Variants in FAT3 observed in about 807,000 individuals in gnomAD.
FAT3 encodes the protein protocadherin Fat 3.
In FAT3, 95 loss-of-function variants were observed where a neutral mutation model predicts 310.2. That is an observed-to-expected ratio of 0.31 (90% CI 0.26 to 0.36). FAT3 has a LOEUF of 0.36. Among genes scored for constraint, FAT3 ranks in the 10% least tolerant of loss-of-function variants. FAT3 has a pLI of 1.00. For missense variants in FAT3, 5,408 were observed against 5,715.6 expected (o/e 0.95, Z 1.74); for synonymous variants, 2,314 against 2,192.9 (o/e 1.06, Z -1.54).
chr11:92,813,017 T>C (rs1483731969), intron 13 of FAT3, among the ~76,000 whole-genome samples: 1 of 152,200 alleles, frequency 6.6e-6, no homozygotes, highest in Non-Finnish European at 1.5e-5. Context: ...CCCCTTTTGT[T>C]TGGCACTTCC....
chr11:92,533,391 A>G (rs1954144365), intron 3 of FAT3, among the ~76,000 whole-genome samples: 1 of 152,116 alleles, frequency 6.6e-6, no homozygotes, highest in Admixed American at 6.5e-5. Flanking sequence ...CTAAGTGCGA[A>G]CTAGTGCCAC....
chr11:92,243,597 T>C (rs1864758787), intron 1 of FAT3, among the ~76,000 whole-genome samples: 1 of 152,108 alleles, frequency 6.6e-6, no homozygotes. Flanking sequence ...AGCAATCTGC[T>C]TTCTTGTTAC....
chr11:92,238,425 G>T (rs1864527138), intron 1 of FAT3, among the ~76,000 whole-genome samples: 1 of 152,122 alleles, frequency 6.6e-6, no homozygotes, highest in Admixed American at 6.5e-5. Context: ...GGGAATCGGA[G>T]GGGGCAATCT....
At chr11:92,748,407 C>T (rs1332422828) in intron 4 of FAT3, among the ~76,000 whole-genome samples, 2 of 152,176 alleles carry the variant, frequency 1.3e-5, no homozygotes, top group Admixed American at 6.5e-5. Context: ...TAAAGCCAAA[C>T]CATATGACTC....
At chr11:92,423,511 G>A (rs1950571898) in intron 2 of FAT3, among the ~76,000 whole-genome samples, 3 of 152,130 alleles carry the variant, frequency 2.0e-5, no homozygotes, top group South Asian at 4.1e-4. Context: ...GTGTTTCTGA[G>A]GGAAAGGGCT....
At chr11:92,720,844 C>G (rs936457669) in intron 4 of FAT3, among the ~76,000 whole-genome samples, 5 of 152,054 alleles carry the variant, frequency 3.3e-5, no homozygotes, top group African/African-American at 1.2e-4. Flanking sequence ...AAATAAGGTC[C>G]CTTAATGTAA....
intron 1 of FAT3, among the ~76,000 whole-genome samples, chr11:92,298,310 A>G (rs552226285): frequency 9.9e-5 from 15 of 152,228 alleles, no homozygotes; most frequent in Admixed American, 5.9e-4. Context: ...CTCTGTGCAT[A>G]GAAAATGGAA....
At chr11:92,646,880 G>A (rs1441887312) in intron 3 of FAT3, among the ~76,000 whole-genome samples, 1 of 152,166 alleles carries the variant, frequency 6.6e-6, no homozygotes, top group East Asian at 1.9e-4. Context: ...GGAAGGACTT[G>A]TAGGAAACAG....
At chr11:92,439,422 A>G (rs1312186526) in intron 2 of FAT3, among the ~76,000 whole-genome samples, 1 of 152,110 alleles carries the variant, frequency 6.6e-6, no homozygotes, top group African/African-American at 2.4e-5. Context: ...AATAAGAAAC[A>G]TGTGGTTTTA....
intron 3 of FAT3, among the ~76,000 whole-genome samples, chr11:92,689,110 T>C (rs1007425822): frequency 1.3e-5 from 2 of 152,158 alleles, no homozygotes; most frequent in Non-Finnish European, 2.9e-5. Context: ...AAGCTTCATT[T>C]TATAGATGAG....
intron 3 of FAT3, among the ~76,000 whole-genome samples, chr11:92,657,351 C>A (rs914878828): frequency 1.3e-5 from 2 of 152,146 alleles, no homozygotes; most frequent in African/African-American, 4.8e-5. Flanking sequence ...TCATTTCATG[C>A]TTCCTGGGCA....
chr11:92,822,080 G>A (rs1021279276), intron 13 of FAT3, among the ~76,000 whole-genome samples: 2 of 151,956 alleles, frequency 1.3e-5, no homozygotes, highest in Non-Finnish European at 2.9e-5. Flanking sequence ...TTTGACACAC[G>A]TAAGTTCTTG....
In FAT3 at chr11:92,891,026, C is replaced by T. The variant is rs2136450005; in HGVS notation, c.13683C>T (p.Ala4561=). 2 of 1,613,904 alleles carry T rather than the reference C, an allele frequency of 1.2e-6. No homozygotes were observed. Among genetic ancestry groups the T allele is most frequent in the Non-Finnish European group, 1.7e-6 (2 of 1,179,852 alleles). ...GCGGCTTTGACGATTCCGAAGTAGC[C>T]ATGAGTGACTACGAGAGCGTGGGAG... ...ANCGFDDSEV[A]MSDYESVGEL... Residue 4561 remains alanine (A), a synonymous_variant, in exon 28 of 28, where the codon GCC becomes GCT. Coordinates refer to ENST00000525166, the MANE Select transcript of FAT3 (RefSeq NM_001367949.2).
intron 2 of FAT3, among the ~76,000 whole-genome samples, chr11:92,477,876 A>C (rs1952089892): frequency 3.3e-5 from 5 of 152,196 alleles, no homozygotes; most frequent in Admixed American, 3.3e-4. Context: ...AGTGTGCTGC[A>C]GGAGTTCTGT....
At chr11:92,804,797 C>G (rs1181397642) in intron 10 of FAT3, among the ~76,000 whole-genome samples, 1 of 152,224 alleles carries the variant, frequency 6.6e-6, no homozygotes, top group African/African-American at 2.4e-5. Flanking sequence ...GAGTGTATTA[C>G]ATCCTCTCTT....
chr11:92,886,313 TAAG>T (rs1370368437), intron 24 of FAT3, among the ~76,000 whole-genome samples: 4 of 147,248 alleles, frequency 2.7e-5, no homozygotes, highest in Non-Finnish European at 4.5e-5. Context: ...GTCCATCAAA[TAAG>T]AAAGTAGCCC....
chr11:92,375,937 T>G (rs751602904), intron 2 of FAT3, among the ~76,000 whole-genome samples: 9 of 152,204 alleles, frequency 5.9e-5, no homozygotes, highest in Non-Finnish European at 1.2e-4. Context: ...ACTCTTTAAA[T>G]TAGGTCATTA....
chr11:92,380,863 T>A (rs565565784), intron 2 of FAT3, among the ~76,000 whole-genome samples: 1 of 152,336 alleles, frequency 6.6e-6, no homozygotes, highest in Admixed American at 6.5e-5. Flanking sequence ...GTTTTTGTTC[T>A]ATTAAGGTCA....
Position 92,794,735 on chromosome 11 carries a change from A to G in FAT3, c.4822+1758A>G, listed in dbSNP as rs75492851. Among the ~76,000 whole-genome samples, 1,010 of 152,180 alleles carry G rather than the reference A, an allele frequency of 6.6e-3. 10 individuals carry two copies. The highest frequency in any genetic ancestry group is 0.023 in the African/African-American group (958 of 41,456). On this transcript the variant is annotated intron_variant, in intron 9 of 27. Transcript: ENST00000525166. ...TTCCAGAAAACCATGGGAACAATTG[A>G]TATCGCAAAAAAAATGACCTTTGAT...
Sources: gnomAD v4.1 joint callset for allele counts (sites outside exome capture counted in the v4.1 genomes callset) on GRCh38, gnomAD v4.1.1 for gene constraint, MANE v1.5 for transcripts, NCBI Gene and HGNC (gene_info 2026-07-23, HGNC 2026-07-21) for gene names.